Variants in LMLN observed in about 807,000 individuals in gnomAD.
LMLN encodes the protein leishmanolysin-like peptidase.
LMLN carries 70 observed loss-of-function variants against 92.3 expected under a neutral mutation model. The observed-to-expected ratio is 0.76, with a 90% CI of 0.63 to 0.92. LMLN has a LOEUF of 0.92. Ranked by LOEUF, LMLN falls within the 40% of genes least tolerant of loss-of-function variation. LMLN has a pLI of 0.00. For synonymous variants in LMLN, 308 were observed against 296.2 expected, an observed-to-expected ratio of 1.04 and a Z score of -0.41; for missense variants, 691 against 814.6, an observed-to-expected ratio of 0.85 and a Z score of 1.85.
chr3:197,961,085 C>A (rs1352810604), intron 1 of LMLN, among the ~76,000 whole-genome samples: 3 of 152,190 alleles, frequency 2.0e-5, no homozygotes, highest in African/African-American at 7.2e-5. Context: ...CTCAAGGCAG[C>A]CTGCTGAAAC....
intron 6 of LMLN, among the ~76,000 whole-genome samples, chr3:197,982,890 C>T (rs755447401): frequency 3.9e-5 from 6 of 152,302 alleles, no homozygotes; most frequent in South Asian, 2.1e-4. Context: ...GTGGGGAGAG[C>T]TTGTGAAGGC....
rs773151247 is a variant in LMLN at position 197,999,293 on chromosome 3, C to T, written c.1183C>T (p.Gln395Ter). ...TGAAGCGATGACTGGTTCTCACACT[C>T]AGAATCGAGTACTCTCTCGAATCAC... Residue 395 changes from glutamine to a stop codon, truncating the protein, a stop_gained, in exon 11 of 16, where the codon CAG (glutamine) becomes TAG (stop). Coordinates refer to ENST00000330198, the Ensembl canonical transcript of LMLN. LOFTEE classifies it high-confidence loss of function. 2 of 1,613,572 alleles carry T rather than the reference C, an allele frequency of 1.2e-6. No individual in the cohort carries two copies. Among genetic ancestry groups the T allele is most frequent in the East Asian group, 2.2e-5 (1 of 44,878 alleles).
intron 9 of LMLN, among the ~76,000 whole-genome samples, chr3:197,994,104 A>G (rs1721955429): frequency 6.6e-6 from 1 of 152,220 alleles, no homozygotes; most frequent in Non-Finnish European, 1.5e-5. Flanking sequence ...CTCACACCAT[A>G]TATACAAAAA....
exon 16 of LMLN, chr3:198,039,879 A>T (rs1723352125): frequency 6.6e-6 from 1 of 152,120 alleles, no homozygotes; most frequent in Non-Finnish European, 1.5e-5. Flanking sequence ...TGTATTCTCC[A>T]TGAGTTTAAT....
At chr3:198,024,581 TA>T in intron 13 of LMLN, 76 bp from the exon 15 acceptor site, 1 of 1,286,376 alleles carries the variant, frequency 7.8e-7, no homozygotes, top group Non-Finnish European at 1.0e-6. Flanking sequence ...CTTTTAATCA[TA>T]AAAATGGAAT....
chr3:197,987,446 A>T (rs920261649), intron 8 of LMLN, among the ~76,000 whole-genome samples: 1 of 152,220 alleles, frequency 6.6e-6, no homozygotes, highest in African/African-American at 2.4e-5. Context: ...GGCGTGAGCC[A>T]CCGCGCCCGG....
chr3:197,999,276 T>C (rs1722108503), exon 11 of LMLN: 2 of 1,613,188 alleles, frequency 1.2e-6, no homozygotes, highest in South Asian at 2.2e-5. Context: ...AATGAAGCGA[T>C]GACTGGTTCT....
intron 11 of LMLN, among the ~76,000 whole-genome samples, chr3:198,008,009 G>A (rs7648906): frequency 0.21 from 31,424 of 151,758 alleles, 5,245 homozygotes; most frequent in African/African-American, 0.46. Flanking sequence ...GATTTTTTTC[G>A]CCTGTTAATA....
At chr3:197,976,974 T>A (rs1480968946) in intron 5 of LMLN, among the ~76,000 whole-genome samples, 7 of 152,252 alleles carry the variant, frequency 4.6e-5, no homozygotes, top group African/African-American at 1.7e-4. Context: ...TAGAACATTA[T>A]CTTGTCTTCC....
At chr3:198,040,090 T>A (rs1046714325) in exon 16 of LMLN, 3 of 152,234 alleles carry the variant, frequency 2.0e-5, no homozygotes, top group African/African-American at 4.8e-5. Context: ...TGCAGTTTTT[T>A]AAAATGGGTT....
chr3:198,018,243 T>C (rs1377701347), intron 11 of LMLN, among the ~76,000 whole-genome samples: 1 of 152,174 alleles, frequency 6.6e-6, no homozygotes, highest in Non-Finnish European at 1.5e-5. Flanking sequence ...TTAACAACTA[T>C]TGGAACATGA....
chr3:198,015,889 G>A (rs1722624433), intron 11 of LMLN, among the ~76,000 whole-genome samples: 1 of 152,102 alleles, frequency 6.6e-6, no homozygotes, highest in Non-Finnish European at 1.5e-5. Flanking sequence ...TATTTCTATT[G>A]TTATATTTAA....
exon 16 of LMLN, chr3:198,040,424 A>C (rs75525718): frequency 1.3e-5 from 2 of 148,340 alleles, no homozygotes; most frequent in African/African-American, 5.1e-5. Context: ...AAGAATATGA[A>C]AAGAAAAAAG....
At chr3:197,998,078 T>C (rs1421830511) in intron 10 of LMLN, among the ~76,000 whole-genome samples, 2 of 152,178 alleles carry the variant, frequency 1.3e-5, no homozygotes, top group African/African-American at 2.4e-5. Context: ...GAGCCAGGCA[T>C]TCCTCTTGGG....
In LMLN at chr3:197,992,161, T is replaced by C. The variant is rs185939014; in HGVS notation, c.1047+1485T>C. On this transcript the variant is annotated intron_variant, in intron 9 of 15. Coordinates refer to ENST00000330198, the Ensembl canonical transcript of LMLN. ...CTCATATTCTTTCTCTGTGTGTACA[T>C]ATATATAGATGTATACACACATCCT... is the stretch of plus-strand genomic sequence containing the variant. Among the ~76,000 whole-genome samples, 690 of 151,904 alleles carry C rather than the reference T, an allele frequency of 4.5e-3. 2 individuals are homozygous for C. The highest frequency in any genetic ancestry group is 7.9e-3 in the Non-Finnish European group (538 of 67,966).
At chr3:197,987,001 G>A (rs1157817729) in intron 8 of LMLN, among the ~76,000 whole-genome samples, 7 of 150,038 alleles carry the variant, frequency 4.7e-5, no homozygotes, top group African/African-American at 1.2e-4. Flanking sequence ...AACCATGCCC[G>A]GCTAATTTTT....
At chr3:197,993,066 T>C (rs777072322) in intron 9 of LMLN, among the ~76,000 whole-genome samples, 1 of 152,100 alleles carries the variant, frequency 6.6e-6, no homozygotes, top group African/African-American at 2.4e-5. Context: ...AAAAAAATCA[T>C]TTAGCAAAAT....
exon 16 of LMLN, chr3:198,041,994 A>G (rs576164407): frequency 6.6e-6 from 1 of 152,206 alleles, no homozygotes; most frequent in South Asian, 2.1e-4. Flanking sequence ...CATTTTTTGT[A>G]TATATATTTA....
rs867383922 is a variant in LMLN at position 198,002,977 on chromosome 3, A to G, written c.1232+3635A>G. On this transcript the variant is annotated intron_variant, in intron 11 of 15. Coordinates refer to ENST00000330198, the Ensembl canonical transcript of LMLN. Reference sequence around the variant, plus strand: ...TTATGCTAGAGTTGTTTTTGAAAGGACAGCAGTAAAAATTGCTTTGTTTGA... The same window carrying G: ...TTATGCTAGAGTTGTTTTTGAAAGGGCAGCAGTAAAAATTGCTTTGTTTGA... 2.2e-5 allele frequency: 25 copies of G among 1,156,660 alleles called. 1 individual carries two copies. The Middle Eastern group carries it at 3.3e-3, about 151-fold the overall frequency. The allele number at this position is 1,156,660 out of a possible 1,614,324, so 71.6% of individuals were successfully genotyped here.
Sources: allele counts gnomAD v4.1 joint callset (sites outside exome capture counted in the v4.1 genomes callset), GRCh38; gene constraint gnomAD v4.1.1; transcripts MANE v1.5; gene names NCBI Gene and HGNC (gene_info 2026-07-23, HGNC 2026-07-21).